The following MED13 variants were observed in gnomAD, a reference collection of about 807,000 sequenced individuals.
MED13 encodes the protein mediator complex subunit 13, also known as mediator of RNA polymerase II transcription subunit 13.
MED13 carries 23 observed loss-of-function variants against 225.2 expected under a neutral mutation model. The ratio of observed to expected loss-of-function variants is 0.10; its 90% confidence interval spans 0.07 to 0.14. The LOEUF (loss-of-function observed/expected upper bound fraction) is 0.14, where lower values mean the gene tolerates loss of function less well. MED13 is among the 10% of genes least tolerant of loss of function. MED13 has a pLI of 1.00. For synonymous variants in MED13, 942 were observed against 889.2 expected, an observed-to-expected ratio of 1.06 and a Z score of -1.06; for missense variants, 2,197 against 2,594.5, an observed-to-expected ratio of 0.85 and a Z score of 3.33.
chr17:62,040,408 A>G (rs536980396), intron 3 of MED13, among the ~76,000 whole-genome samples: 21 of 152,354 alleles, frequency 1.4e-4, no homozygotes, highest in Non-Finnish European at 2.6e-4. Context: ...ATCGTGGAAA[A>G]AAAAGTTCCT....
intron 3 of MED13, among the ~76,000 whole-genome samples, chr17:62,040,272 GTAT>G (rs1403660437): frequency 2.0e-5 from 3 of 152,234 alleles, no homozygotes; most frequent in South Asian, 2.1e-4. Flanking sequence ...ACAATTCGAA[GTAT>G]TATTAGTTAC....
chr17:61,994,559 T>C (rs541072050), intron 10 of MED13, among the ~76,000 whole-genome samples: 1 of 152,332 alleles, frequency 6.6e-6, no homozygotes, highest in South Asian at 2.1e-4. Context: ...ACTGTCAAAA[T>C]AGCCTACCTA....
chr17:61,995,476 C>T, intron 9 of MED13, 111 bp from the exon 10 acceptor site: 1 of 657,420 alleles, frequency 1.5e-6, no homozygotes. Context: ...ATCTAACCTA[C>T]AATCCCTTAT....
At chr17:61,947,889 A>G (rs1254094224) in intron 28 of MED13, among the ~76,000 whole-genome samples, 1 of 152,214 alleles carries the variant, frequency 6.6e-6, no homozygotes, top group Non-Finnish European at 1.5e-5. Flanking sequence ...CTCTTGGTAG[A>G]TCTCATTCTG....
intron 11 of MED13, 89 bp from the exon 12 acceptor site, chr17:61,987,217 A>G (rs2080255385): frequency 1.2e-6 from 1 of 806,000 alleles, no homozygotes; most frequent in Admixed American, 3.4e-5. Context: ...AGGGTGGATC[A>G]CGAGGTCAGG....
At chr17:61,998,160 C>G (rs1308886708) in intron 9 of MED13, among the ~76,000 whole-genome samples, 1 of 152,154 alleles carries the variant, frequency 6.6e-6, no homozygotes, top group Admixed American at 6.5e-5. Context: ...AATTACCATA[C>G]TGTCAACATC....
chr17:61,946,314 C>G lies in MED13; in HGVS notation c.*154G>C, dbSNP rs1042602361. On this transcript the variant is annotated 3_prime_UTR_variant, in exon 30 of 30. Transcript: ENST00000397786. The stretch of plus-strand genomic sequence containing the variant: ...TCAATGAAAAATAGCAGGGTTATAG[C>G]CCCTCCCCCCAAGTCAAAACAATAT... 8 of 833,996 alleles carry G rather than the reference C, an allele frequency of 9.6e-6. No homozygotes were observed. The highest frequency in any genetic ancestry group is 1.4e-5 in the Non-Finnish European group (8 of 554,180). The allele number at this position is 833,996 out of a possible 1,614,324, so 51.7% of individuals were successfully genotyped here.
At chr17:61,987,863 C>CA (rs2080261758) in intron 11 of MED13, among the ~76,000 whole-genome samples, 1 of 152,038 alleles carries the variant, frequency 6.6e-6, no homozygotes, top group Admixed American at 6.5e-5. Flanking sequence ...GCAATCCTCC[C>CA]ACCCCAGTAG....
Position 61,946,796 on chromosome 17 carries a change from T to C in MED13, c.6392+121A>G, listed in dbSNP as rs573788968. ...ACTCAAGTTAGAATAGCAGTGTTTA[T>C]CTAGAGATCCACTGGTACACAACTG... On this transcript the variant is annotated intron_variant, in intron 29 of 29. Transcript: ENST00000397786. The C allele has an allele frequency of 1.3e-5, 14 of 1,087,534 alleles. No homozygotes were observed. The African/African-American group carries it at 2.1e-4, about 16-fold the overall frequency. The allele number at this position is 1,087,534 out of a possible 1,614,324, so 67.4% of individuals were successfully genotyped here.
intron 16 of MED13, among the ~76,000 whole-genome samples, chr17:61,975,666 CCAAGATCGTACCCCA>C (rs879432657): frequency 6.6e-6 from 1 of 152,080 alleles, no homozygotes; most frequent in Non-Finnish European, 1.5e-5. Flanking sequence ...TTGCAATGAG[CCAAGATCGTACCCCA>C]CTGCACTCCA....
intron 10 of MED13, 58 bp downstream of exon 10, chr17:61,995,094 C>T (rs756883001): frequency 9.1e-7 from 1 of 1,103,752 alleles, no homozygotes; most frequent in Non-Finnish European, 1.4e-6. Flanking sequence ...AAGAGTGTTA[C>T]TATATGCAGT....
chr17:62,042,925 G>GGATC (rs1212419550), intron 3 of MED13, among the ~76,000 whole-genome samples: 1 of 151,940 alleles, frequency 6.6e-6, no homozygotes, highest in Non-Finnish European at 1.5e-5. Context: ...TGAGGCTGGA[G>GGATC]GATCACTTGA....
At chr17:62,007,253 A>C (rs982209481) in intron 9 of MED13, 1 of 152,202 alleles carries the variant, frequency 6.6e-6, no homozygotes, top group African/African-American at 2.4e-5. Flanking sequence ...AAACAAAAAA[A>C]CAAAAAACAA....
chr17:62,037,862 G>A (rs1195134851), intron 3 of MED13, among the ~76,000 whole-genome samples: 1 of 142,562 alleles, frequency 7.0e-6, no homozygotes, highest in African/African-American at 2.5e-5. Flanking sequence ...GGCTGAGGCA[G>A]GAGAATCACT....
intron 9 of MED13, among the ~76,000 whole-genome samples, chr17:61,995,945 C>CT (rs1294726702): frequency 6.6e-6 from 1 of 152,118 alleles, no homozygotes; most frequent in Non-Finnish European, 1.5e-5. Context: ...GTGCAAGTAT[C>CT]TGAGTTTTCT....
intron 3 of MED13, among the ~76,000 whole-genome samples, chr17:62,039,879 G>T (rs557411901): frequency 1.3e-5 from 2 of 152,042 alleles, no homozygotes; most frequent in Non-Finnish European, 2.9e-5. Context: ...AATTACAGGC[G>T]TGAGCCACTG....
intron 3 of MED13, among the ~76,000 whole-genome samples, chr17:62,045,038 T>C (rs1191911017): frequency 6.8e-6 from 1 of 146,262 alleles, no homozygotes; most frequent in African/African-American, 2.4e-5. Flanking sequence ...TTTAACAACA[T>C]ATTTTTTCCA....
intron 2 of MED13, among the ~76,000 whole-genome samples, chr17:62,060,467 A>AT (rs897677443): frequency 6.6e-6 from 1 of 151,766 alleles, no homozygotes; most frequent in African/African-American, 2.4e-5. Context: ...AAAAATACAA[A>AT]AAATTAGCCG....
Position 61,982,289 on chromosome 17 carries a change from A to G in MED13, c.3714T>C (p.His1238=). ...ACATGTTATCCATGAACTGACGCCC[A>G]TGTTCTAATGCAAGGTAGCAGTCAT... is the stretch of plus-strand genomic sequence containing the variant. ...CCNDCYLALE[H]GRQFMDNMSG... The change falls in exon 16 of 30, where the codon CAT becomes CAC. Residue 1238 remains histidine (H), a synonymous_variant. Coordinates refer to ENST00000397786, the MANE Select transcript of MED13 (RefSeq NM_005121.3). 6.2e-7 allele frequency: 1 copy of G among 1,614,230 alleles called. No homozygotes were observed. The highest frequency in any genetic ancestry group is 8.5e-7 in the Non-Finnish European group (1 of 1,180,050).
Sources: allele counts gnomAD v4.1 joint callset (sites outside exome capture counted in the v4.1 genomes callset), GRCh38; gene constraint gnomAD v4.1.1; transcripts MANE v1.5; gene names NCBI Gene and HGNC (gene_info 2026-07-23, HGNC 2026-07-21).